The following RFX7 variants were observed in gnomAD, a reference collection of about 807,000 sequenced individuals.
RFX7 encodes the protein regulatory factor X7, also known as DNA-binding protein RFX7.
RFX7 carries 26 observed loss-of-function variants against 111.8 expected under a neutral mutation model. The observed-to-expected ratio is 0.23, with a 90% CI of 0.17 to 0.32. The LOEUF (loss-of-function observed/expected upper bound fraction) is 0.32. Ranked by LOEUF, RFX7 falls within the 10% of genes least tolerant of loss-of-function variation. RFX7 has a pLI of 1.00. For synonymous variants in RFX7, 624 were observed against 624.4 expected, an observed-to-expected ratio of 1.00 and a Z score of 0.01; for missense variants, 1,573 against 1,772.9, an observed-to-expected ratio of 0.89 and a Z score of 2.02.
At chr15:56,129,153 ATCACTTGAGG>A (rs1368970472) in intron 5 of RFX7, among the ~76,000 whole-genome samples, 1 of 152,168 alleles carries the variant, frequency 6.6e-6, no homozygotes, top group African/African-American at 2.4e-5. Flanking sequence ...AAGTGGGTGT[ATCACTTGAGG>A]TCAGGAGTTT....
chr15:56,166,267 C>A (rs1393361616), intron 3 of RFX7, among the ~76,000 whole-genome samples: 1 of 152,188 alleles, frequency 6.6e-6, no homozygotes, highest in African/African-American at 2.4e-5. Flanking sequence ...AGAAATACTT[C>A]TCTCTTGTTT....
Position 56,179,273 on chromosome 15 carries a change from A to T in RFX7, c.192T>A (p.Ile64=). The change falls in exon 3 of 10, where the codon ATT becomes ATA. Residue 64 remains isoleucine, a synonymous_variant. Transcript: ENST00000559447. ...TAATATTAGTTATTTCACTTACCAA[A>T]ATGCAGTCCACTTTAGATTGTACAG... ...CKTVQSKVDC[I]LQEVEKFTDL... is the part of the protein sequence containing the mutation. The T allele has an allele frequency of 7.8e-7, 1 of 1,285,128 alleles. No homozygotes were observed. Among genetic ancestry groups the T allele is most frequent in the Non-Finnish European group, 1.0e-6 (1 of 971,150 alleles). The allele number at this position is 1,285,128 out of a possible 1,614,324, so 79.6% of individuals were successfully genotyped here. A position where few individuals can be genotyped will look rare whatever the true frequency, so the allele number is the denominator to read the frequency against.
At position 56,214,268 on chromosome 15, in the gene RFX7, C is replaced by A. The variant is rs947573692; in HGVS notation, c.161+28857G>T. Among the ~76,000 whole-genome samples, 4 of 152,144 alleles carry A rather than the reference C, an allele frequency of 2.6e-5. No homozygotes were observed. The South Asian group carries it at 8.3e-4, about 32-fold the overall frequency. On this transcript the variant is annotated intron_variant, in intron 2 of 9. Transcript: ENST00000559447. ...CACCAAAAGCTTAAAATCAGACTGTCAGGTTTTTTGAAAAATATTTTGATT... is the reference window on the plus strand; with the variant it reads ...CACCAAAAGCTTAAAATCAGACTGTAAGGTTTTTTGAAAAATATTTTGATT...
intron 5 of RFX7, among the ~76,000 whole-genome samples, chr15:56,108,249 AC>A (rs1328255530): frequency 1.3e-5 from 2 of 152,192 alleles, no homozygotes; most frequent in African/African-American, 2.4e-5. Context: ...CAGAGACACA[AC>A]AAAAAACTTC....
Position 56,110,001 on chromosome 15 carries a change from C to T in RFX7, c.402-6331G>A, listed in dbSNP as rs1400850226. Among the ~76,000 whole-genome samples, 6 of 135,172 alleles carry T rather than the reference C, an allele frequency of 4.4e-5. No individual in the cohort carries two copies. The South Asian group carries it at 1.2e-3, about 28-fold the overall frequency. The allele number at this position is 135,172 out of a possible 152,430, so 88.7% of individuals were successfully genotyped here. A position where few individuals can be genotyped will look rare whatever the true frequency, so the allele number is the denominator to read the frequency against. On this transcript the variant is annotated intron_variant, in intron 5 of 9. Transcript: ENST00000559447. The stretch of plus-strand genomic sequence containing the variant: ...CCCCTGCCCGGCCAGCCGCCCCGTC[C>T]GGGAGGCGAGGGGCGCCTCTGCCCG...
intron 5 of RFX7, among the ~76,000 whole-genome samples, chr15:56,111,661 C>CAAAAAAAAAAAAAAAAACCA (rs2041934008): frequency 1.0e-5 from 1 of 95,578 alleles, no homozygotes; most frequent in African/African-American, 4.1e-5. Context: ...ATAAATAAAC[C>CAAAAAAAAAAAAAAAAACCA]AAAAAAAAAA....
At chr15:56,153,434 C>T (rs1260274372) in intron 3 of RFX7, among the ~76,000 whole-genome samples, 1 of 151,740 alleles carries the variant, frequency 6.6e-6, no homozygotes, top group Admixed American at 6.6e-5. Context: ...ATAATCCATT[C>T]ACATAAATCC....
intron 9 of RFX7, among the ~76,000 whole-genome samples, chr15:56,097,256 T>A (rs966440723): frequency 6.6e-6 from 1 of 152,202 alleles, no homozygotes; most frequent in Non-Finnish European, 1.5e-5. Flanking sequence ...ATAACCTCAG[T>A]TGTGTGAGAT....
chr15:56,130,374 A>G (rs574069199), intron 5 of RFX7, among the ~76,000 whole-genome samples: 1 of 152,132 alleles, frequency 6.6e-6, no homozygotes, highest in African/African-American at 2.4e-5. Context: ...TAAAAATATG[A>G]AAGTGTAAAG....
At chr15:56,214,559 C>T (rs372813596) in intron 2 of RFX7, among the ~76,000 whole-genome samples, 4 of 151,850 alleles carry the variant, frequency 2.6e-5, no homozygotes, top group South Asian at 2.1e-4. Flanking sequence ...ACTAAAAATA[C>T]GAAAAATTAG....
intron 5 of RFX7, among the ~76,000 whole-genome samples, chr15:56,141,073 G>C (rs1047794840): frequency 2.0e-5 from 3 of 152,180 alleles, no homozygotes; most frequent in Non-Finnish European, 4.4e-5. Context: ...AAACCAGCAA[G>C]ACATCTTTGG....
rs563912462 is a variant in RFX7 at position 56,121,753 on chromosome 15, T to C, written c.402-18083A>G. Reference sequence around the variant, plus strand: ...TTTGTCTCCCTCTGACTGTGTATGTTCAAATAACCTGTTTCAGGGTCACTA... The same window carrying C: ...TTTGTCTCCCTCTGACTGTGTATGTCCAAATAACCTGTTTCAGGGTCACTA... On this transcript the variant is annotated intron_variant, in intron 5 of 9. Transcript: ENST00000559447. 4.3e-4 allele frequency among the ~76,000 whole-genome samples: 66 copies of C among 152,330 alleles called. No individual in the cohort carries two copies. In the Middle Eastern group the frequency reaches 0.017, roughly 39 times the overall value.
chr15:56,224,013 TA>T (rs1350235515), intron 2 of RFX7, among the ~76,000 whole-genome samples: 1 of 150,708 alleles, frequency 6.6e-6, no homozygotes, highest in African/African-American at 2.4e-5. Flanking sequence ...AATTTAAAAA[TA>T]ATAAGCAGTC....
intron 2 of RFX7, among the ~76,000 whole-genome samples, chr15:56,239,899 T>C (rs2043667975): frequency 6.6e-6 from 1 of 152,010 alleles, no homozygotes; most frequent in Non-Finnish European, 1.5e-5. Flanking sequence ...AGTAAATGTG[T>C]TTACTGTTGC....
intron 3 of RFX7, among the ~76,000 whole-genome samples, chr15:56,153,467 A>C (rs1383949499): frequency 1.3e-5 from 2 of 152,126 alleles, no homozygotes; most frequent in African/African-American, 2.4e-5. Context: ...CAACAAACGT[A>C]ATCCATCCAC....
chr15:56,142,700 T>A, intron 5 of RFX7, 78 bp downstream of exon 5: 1 of 1,322,062 alleles, frequency 7.6e-7, no homozygotes. Flanking sequence ...TCACCAATAA[T>A]AAAACAAATC....
In RFX7 at chr15:56,119,732, G is replaced by A. The variant is rs150078438; in HGVS notation, c.402-16062C>T. On this transcript the variant is annotated intron_variant, in intron 5 of 9. Coordinates refer to ENST00000559447, the MANE Select transcript of RFX7 (RefSeq NM_022841.7). ...GCGGAGGCTGCAATGAGCTGAGATC[G>A]CGCCATTGGACTCCAGCCTGGGTGA... is the stretch of plus-strand genomic sequence containing the variant. Among the ~76,000 whole-genome samples, 568 of 150,188 alleles carry A rather than the reference G, an allele frequency of 3.8e-3. 3 individuals are homozygous for A. Among genetic ancestry groups the A allele is most frequent in the African/African-American group, 0.013 (540 of 40,690 alleles).
At chr15:56,149,291 G>C (rs532889428) in intron 3 of RFX7, among the ~76,000 whole-genome samples, 32 of 152,282 alleles carry the variant, frequency 2.1e-4, no homozygotes, top group Middle Eastern at 3.4e-3. Context: ...TAGGCCACTG[G>C]TATTTCAGGC....
chr15:56,227,301 T>C (rs1366860412), intron 2 of RFX7, among the ~76,000 whole-genome samples: 3 of 152,220 alleles, frequency 2.0e-5, no homozygotes, highest in African/African-American at 4.8e-5. Flanking sequence ...TGAGTCTTGT[T>C]TTTTTATCCA....
Sources: gnomAD v4.1 joint callset for allele counts (sites outside exome capture counted in the v4.1 genomes callset) on GRCh38, gnomAD v4.1.1 for gene constraint, MANE v1.5 for transcripts, NCBI Gene and HGNC (gene_info 2026-07-23, HGNC 2026-07-21) for gene names.